FAM13C: variants seen among roughly 807,000 people sequenced by gnomAD.
FAM13C encodes the protein protein FAM13C.
FAM13C carries 37 observed loss-of-function variants against 73.2 expected under a neutral mutation model. The ratio of observed to expected loss-of-function variants is 0.51; its 90% CI spans 0.39 to 0.67. The LOEUF (loss-of-function observed/expected upper bound fraction) is 0.67. Ranked by LOEUF, FAM13C falls within the 30% of genes least tolerant of loss-of-function variation. The pLI, the probability that FAM13C is intolerant of heterozygous loss-of-function variation, is 0.00. For synonymous variants in FAM13C, 246 were observed against 260.9 expected (o/e 0.94, Z 0.55); for missense variants, 589 against 715.6 (o/e 0.82, Z 2.02).
intron 10 of FAM13C, among the ~76,000 whole-genome samples, chr10:59,256,767 A>G (rs1032027184): frequency 6.6e-6 from 1 of 152,168 alleles, no homozygotes; most frequent in African/African-American, 2.4e-5. Flanking sequence ...AGAAAACTGA[A>G]TCAAGGTAAG....
intron 6 of FAM13C, 88 bp from the exon 7 acceptor site, chr10:59,270,197 T>G: frequency 7.8e-7 from 1 of 1,274,196 alleles, no homozygotes; most frequent in Non-Finnish European, 1.1e-6. Flanking sequence ...TAAGCATTCA[T>G]TATAATGGCT....
intron 6 of FAM13C, among the ~76,000 whole-genome samples, chr10:59,274,451 G>A (rs1158069046): frequency 1.3e-5 from 2 of 152,100 alleles, no homozygotes; most frequent in Non-Finnish European, 2.9e-5. Context: ...GCATTGGGGA[G>A]ACTGACTGAG....
chr10:59,317,944 T>C (rs895230765), intron 4 of FAM13C, among the ~76,000 whole-genome samples: 2 of 151,416 alleles, frequency 1.3e-5, no homozygotes, highest in African/African-American at 4.9e-5. Context: ...CCTTCCTGTG[T>C]CCATGTGTTC....
At chr10:59,343,421 TA>T (rs5785381) in intron 3 of FAM13C, among the ~76,000 whole-genome samples, 82,569 of 152,030 alleles carry the variant, frequency 0.54, 23,550 homozygotes, top group Middle Eastern at 0.63. Flanking sequence ...AAAGACCAAT[TA>T]ACTTCATCTT....
At chr10:59,347,618 G>C (rs577247305) in intron 3 of FAM13C, among the ~76,000 whole-genome samples, 18 of 151,978 alleles carry the variant, frequency 1.2e-4, no homozygotes, top group African/African-American at 4.3e-4. Context: ...TTGGTGTCTT[G>C]CTGCACCCAT....
At chr10:59,294,785 T>C (rs995567832) in intron 5 of FAM13C, among the ~76,000 whole-genome samples, 1 of 152,194 alleles carries the variant, frequency 6.6e-6, no homozygotes, top group Non-Finnish European at 1.5e-5. Context: ...AAATGAATCA[T>C]AGGATACTGC....
chr10:59,283,682 A>G (rs1845204626), intron 5 of FAM13C: 1 of 601,566 alleles, frequency 1.7e-6, no homozygotes, highest in African/African-American at 1.8e-5. Context: ...ATCATTCCAC[A>G]TGCAGGCTGA....
intron 2 of FAM13C, among the ~76,000 whole-genome samples, chr10:59,353,526 C>T (rs530271241): frequency 1.3e-5 from 2 of 152,256 alleles, no homozygotes; most frequent in Admixed American, 1.3e-4. Flanking sequence ...TGCAAAGTCA[C>T]CTGGAAAGCA....
intron 1 of FAM13C, among the ~76,000 whole-genome samples, chr10:59,360,078 A>G (rs1856208268): frequency 1.3e-5 from 2 of 152,226 alleles, no homozygotes; most frequent in South Asian, 2.1e-4. Context: ...GGGAAAAACC[A>G]AGAAGAAAAT....
intron 1 of FAM13C, among the ~76,000 whole-genome samples, chr10:59,357,946 A>G (rs577589058): frequency 2.6e-5 from 4 of 152,220 alleles, no homozygotes; most frequent in Non-Finnish European, 5.9e-5. Context: ...CTTTACTGGC[A>G]ATGGTGTATA....
intron 3 of FAM13C, among the ~76,000 whole-genome samples, chr10:59,339,774 A>T (rs991494442): frequency 1.3e-5 from 2 of 152,216 alleles, no homozygotes; most frequent in Admixed American, 6.5e-5. Context: ...AAGTGAAAGG[A>T]AAGGCCAGCT....
At position 59,294,276 on chromosome 10, in the gene FAM13C, T is replaced by C. The variant is rs535842665; in HGVS notation, c.507+8525A>G. Among the ~76,000 whole-genome samples the C allele has an allele frequency of 1.3e-3, 192 of 152,244 alleles. 1 individual carries two copies. The highest frequency in any genetic ancestry group is 4.5e-3 in the African/African-American group (185 of 41,538). On this transcript the variant is annotated intron_variant, in intron 5 of 13. Coordinates refer to ENST00000618804, the MANE Select transcript of FAM13C (RefSeq NM_198215.4). ...GTAGGAAATTAGTAGTATGAAGAGATATACATGAAAGAATGAGCAACAAGA... is the reference window on the plus strand; with the variant it reads ...GTAGGAAATTAGTAGTATGAAGAGACATACATGAAAGAATGAGCAACAAGA...
intron 3 of FAM13C, among the ~76,000 whole-genome samples, chr10:59,349,215 G>T (rs1854708523): frequency 6.6e-6 from 1 of 152,136 alleles, no homozygotes; most frequent in African/African-American, 2.4e-5. Flanking sequence ...TCTATAGATG[G>T]TTACATTTTC....
chr10:59,254,429 G>C lies in FAM13C; in HGVS notation c.1251C>G (p.Asp417Glu). The C allele has an allele frequency of 1.3e-6, 2 of 1,505,070 alleles. No individual in the cohort carries two copies. Among genetic ancestry groups the C allele is most frequent in the Non-Finnish European group, 1.8e-6 (2 of 1,123,182 alleles). The allele number at this position is 1,505,070 out of a possible 1,614,324, so 93.2% of individuals were successfully genotyped here. The change falls in exon 11 of 14, where the codon GAC (aspartate) becomes GAG (glutamate). Residue 417 changes from aspartate to glutamate, a missense_variant. Coordinates refer to ENST00000618804, the MANE Select transcript of FAM13C (RefSeq NM_198215.4). ...CATAAAGCGGCTTTATGAGGTTCTT[G>C]TCTTGCTTAGTTACCTGAAAAACAT... Reference protein sequence around the residue: ...PQEDSKVTKQDKNLIKPLYDR... With the variant: ...PQEDSKVTKQEKNLIKPLYDR...
chr10:59,281,676 T>C (rs1809663267), intron 6 of FAM13C, among the ~76,000 whole-genome samples: 1 of 152,226 alleles, frequency 6.6e-6, no homozygotes, highest in Non-Finnish European at 1.5e-5. Context: ...GTATTTATTT[T>C]CATTTTATAA....
chr10:59,317,963 T>C (rs886411829), intron 4 of FAM13C, among the ~76,000 whole-genome samples: 3 of 151,782 alleles, frequency 2.0e-5, no homozygotes, highest in African/African-American at 7.3e-5. Context: ...TCTAGCAGAT[T>C]TAAAGCCCAA....
chr10:59,271,651 T>C (rs1843729871), intron 6 of FAM13C, among the ~76,000 whole-genome samples: 1 of 152,178 alleles, frequency 6.6e-6, no homozygotes, highest in Non-Finnish European at 1.5e-5. Flanking sequence ...GAAAGAGCCC[T>C]CAGGAGTAAC....
At chr10:59,321,084 C>T (rs1850179126) in intron 4 of FAM13C, among the ~76,000 whole-genome samples, 1 of 152,162 alleles carries the variant, frequency 6.6e-6, no homozygotes, top group African/African-American at 2.4e-5. Flanking sequence ...AGAATAATAG[C>T]TCCCCAAAGA....
chr10:59,331,038 T>A (rs1851900248), intron 3 of FAM13C, among the ~76,000 whole-genome samples: 1 of 152,170 alleles, frequency 6.6e-6, no homozygotes, highest in Admixed American at 6.5e-5. Context: ...TGACATACAT[T>A]CATCATTCAA....
Sources: allele counts gnomAD v4.1 joint callset (sites outside exome capture counted in the v4.1 genomes callset), GRCh38; gene constraint gnomAD v4.1.1; transcripts MANE v1.5; gene names NCBI Gene and HGNC (gene_info 2026-07-23, HGNC 2026-07-21).